The following GRAMD1B variants were observed in gnomAD, a reference collection of about 807,000 sequenced individuals.
GRAMD1B encodes the protein protein Aster-B.
A neutral mutation model predicts 99.7 loss-of-function variants in GRAMD1B; 37 were observed. The observed-to-expected ratio is 0.37, with a 90% CI of 0.29 to 0.49. The LOEUF is 0.49. Among genes scored for constraint, GRAMD1B ranks in the 20% least tolerant of loss-of-function variants. The pLI, the probability that GRAMD1B is intolerant of heterozygous loss-of-function variation, is 0.98. For missense variants in GRAMD1B, 888 were observed against 1,009.2 expected, an observed-to-expected ratio of 0.88 and a Z score of 1.63; for synonymous variants, 427 against 387.6, an observed-to-expected ratio of 1.10 and a Z score of -1.19.
intron 2 of GRAMD1B, among the ~76,000 whole-genome samples, chr11:123,545,001 G>T (rs1206344200): frequency 6.6e-6 from 1 of 152,184 alleles, no homozygotes; most frequent in African/African-American, 2.4e-5. Context: ...GTCTCCCTCT[G>T]ATGTGCAGCG....
intron 1 of GRAMD1B, among the ~76,000 whole-genome samples, chr11:123,475,986 G>T (rs980136776): frequency 2.0e-4 from 30 of 152,330 alleles, no homozygotes; most frequent in Admixed American, 7.2e-4. Flanking sequence ...TATAAGAGAA[G>T]AATTGAAAGG....
intron 1 of GRAMD1B, among the ~76,000 whole-genome samples, chr11:123,424,866 C>A (rs1591495187): frequency 2.0e-5 from 3 of 152,342 alleles, no homozygotes; most frequent in Non-Finnish European, 4.4e-5. Context: ...ATCCCAAGGA[C>A]TTCCTGAACA....
chr11:123,441,413 G>A (rs1949400988), intron 1 of GRAMD1B, among the ~76,000 whole-genome samples: 1 of 152,098 alleles, frequency 6.6e-6, no homozygotes, highest in South Asian at 2.1e-4. Flanking sequence ...TGAGGCAAGA[G>A]GATTGCCGCT....
rs28470711 is a variant in GRAMD1B at position 123,503,164 on chromosome 11, G to T, written c.452+22271G>T. The stretch of plus-strand genomic sequence containing the variant: ...TCTGCAGCCTGGCAATAGGACATTT[G>T]TGAACAAGGGTACAGGCATAGGAGT... On this transcript the variant is annotated intron_variant, in intron 2 of 19. Coordinates refer to ENST00000635736, the MANE Select transcript of GRAMD1B (RefSeq NM_001387025.1). 9.2e-3 allele frequency among the ~76,000 whole-genome samples: 1,396 copies of T among 152,340 alleles called. 29 individuals carry two copies. The highest frequency in any genetic ancestry group is 0.025 in the African/African-American group (1,023 of 41,574).
intron 4 of GRAMD1B, among the ~76,000 whole-genome samples, chr11:123,589,705 G>A (rs539755305): frequency 2.0e-5 from 3 of 151,214 alleles, no homozygotes; most frequent in East Asian, 3.9e-4. Flanking sequence ...AAAGTGATCC[G>A]TCCGAATTGG....
intron 1 of GRAMD1B, among the ~76,000 whole-genome samples, chr11:123,420,886 C>T (rs1027708588): frequency 2.6e-5 from 4 of 152,174 alleles, no homozygotes; most frequent in Non-Finnish European, 5.9e-5. Flanking sequence ...TATTATGAGA[C>T]TTAAATAACA....
chr11:123,602,032 T>C (rs1047155219), intron 8 of GRAMD1B, among the ~76,000 whole-genome samples: 2 of 151,684 alleles, frequency 1.3e-5, no homozygotes, highest in African/African-American at 2.4e-5. Context: ...GCAGGGTGAA[T>C]GTTGTCCCAG....
intron 2 of GRAMD1B, among the ~76,000 whole-genome samples, chr11:123,558,219 A>G (rs850288): frequency 0.15 from 22,933 of 151,684 alleles, 1,840 homozygotes; most frequent in Admixed American, 0.21. Flanking sequence ...CCTGAGCTCA[A>G]GTGATTCACC....
intron 1 of GRAMD1B, among the ~76,000 whole-genome samples, chr11:123,396,312 G>T (rs57974027): frequency 0.017 from 2,391 of 139,870 alleles, 86 homozygotes; most frequent in African/African-American, 0.06. Flanking sequence ...CTTAGCTCTT[G>T]TTGTCCAGGC....
chr11:123,602,568 T>C (rs1952120633), intron 8 of GRAMD1B, among the ~76,000 whole-genome samples: 1 of 152,064 alleles, frequency 6.6e-6, no homozygotes, highest in South Asian at 2.1e-4. Flanking sequence ...GCCCTTGCCC[T>C]CCTTTCCACA....
intron 1 of GRAMD1B, among the ~76,000 whole-genome samples, chr11:123,473,315 C>T (rs184418101): frequency 5.3e-4 from 80 of 152,278 alleles, no homozygotes; most frequent in African/African-American, 1.8e-3. Context: ...CTGCCCACCT[C>T]GGCCTCCCAA....
chr11:123,424,338 A>T (rs959588557), intron 1 of GRAMD1B, among the ~76,000 whole-genome samples: 2 of 152,062 alleles, frequency 1.3e-5, no homozygotes, highest in African/African-American at 4.8e-5. Context: ...TAAAATCTAT[A>T]ATTCAACACT....
At chr11:123,611,730 C>T (rs1953607021) in intron 14 of GRAMD1B, among the ~76,000 whole-genome samples, 1 of 152,132 alleles carries the variant, frequency 6.6e-6, no homozygotes, top group African/African-American at 2.4e-5. Context: ...ATCCACGATG[C>T]AGTCAGCGGT....
At chr11:123,389,371 C>T (rs947441054) in intron 1 of GRAMD1B, among the ~76,000 whole-genome samples, 30 of 147,388 alleles carry the variant, frequency 2.0e-4, no homozygotes, top group Non-Finnish European at 3.6e-4. Flanking sequence ...GTGACAGAGC[C>T]AGAGTCCATG....
intron 1 of GRAMD1B, among the ~76,000 whole-genome samples, chr11:123,422,123 G>A (rs1948460201): frequency 6.6e-6 from 1 of 152,164 alleles, no homozygotes; most frequent in South Asian, 2.1e-4. Context: ...GCAAAAATGT[G>A]AGCATAGTGG....
At chr11:123,365,107 A>G (rs899716218) in intron 1 of GRAMD1B, among the ~76,000 whole-genome samples, 2 of 152,168 alleles carry the variant, frequency 1.3e-5, no homozygotes, top group Non-Finnish European at 2.9e-5. Flanking sequence ...ATTATTACCC[A>G]TGTTATAGTT....
chr11:123,488,594 C>T (rs572604972), intron 2 of GRAMD1B, among the ~76,000 whole-genome samples: 78 of 152,310 alleles, frequency 5.1e-4, no homozygotes, highest in African/African-American at 1.8e-3. Context: ...GATGACGTGT[C>T]GGAACGGAGG....
intron 4 of GRAMD1B, among the ~76,000 whole-genome samples, chr11:123,592,488 T>C (rs1276145718): frequency 1.3e-5 from 2 of 152,154 alleles, no homozygotes; most frequent in African/African-American, 2.4e-5. Flanking sequence ...CTGTGCTTGG[T>C]AGGTGATGAT....
At chr11:123,529,297 G>A (rs1419872934) in intron 2 of GRAMD1B, among the ~76,000 whole-genome samples, 6 of 152,186 alleles carry the variant, frequency 3.9e-5, no homozygotes, top group Non-Finnish European at 5.9e-5. Context: ...TGAAATGTGA[G>A]GGAGGTTCAG....
Sources: allele counts gnomAD v4.1 joint callset (sites outside exome capture counted in the v4.1 genomes callset), GRCh38; gene constraint gnomAD v4.1.1; transcripts MANE v1.5; gene names NCBI Gene and HGNC (gene_info 2026-07-23, HGNC 2026-07-21).